The following HSD17B4 variants were observed in gnomAD, a reference collection of about 807,000 sequenced individuals.
HSD17B4 encodes the protein hydroxysteroid 17-beta dehydrogenase 4, also known as peroxisomal multifunctional enzyme type 2.
Under a neutral mutation model 101.0 loss-of-function variants are expected in HSD17B4, and 70 were observed. The observed-to-expected ratio is 0.69, with a 90% CI of 0.57 to 0.85. HSD17B4 has a LOEUF of 0.85. HSD17B4 is among the 40% of genes least tolerant of loss of function. HSD17B4 has a pLI of 0.00. For missense variants in HSD17B4, 984 were observed against 892.4 expected (o/e 1.10, Z -1.31); for synonymous variants, 347 against 297.1 (o/e 1.17, Z -1.73).
chr5:119,499,000 A>G (rs371963531), intron 12 of HSD17B4, among the ~76,000 whole-genome samples: 1 of 152,218 alleles, frequency 6.6e-6, no homozygotes, highest in Non-Finnish European at 1.5e-5. Flanking sequence ...ACTATCCTTA[A>G]TAACAAATTC....
intron 8 of HSD17B4, among the ~76,000 whole-genome samples, chr5:119,480,051 A>G (rs1748976120): frequency 6.6e-6 from 1 of 151,996 alleles, no homozygotes; most frequent in Non-Finnish European, 1.5e-5. Context: ...ATATGTAGTG[A>G]TATCTTATTG....
At position 119,477,332 on chromosome 5, in the gene HSD17B4, G is replaced by T; in HGVS notation, c.350-85G>T. On this transcript the variant is annotated intron_variant, in intron 6 of 23. Coordinates refer to ENST00000510025, the MANE Select transcript of HSD17B4 (RefSeq NM_000414.4). ...CATTAGGTATAAAATGAACATCTTTGTATAAATACAACATTGCTTATGTTG... is the reference window on the plus strand; with the variant it reads ...CATTAGGTATAAAATGAACATCTTTTTATAAATACAACATTGCTTATGTTG... The T allele has an allele frequency of 4.3e-6, 4 of 923,966 alleles. No individual in the cohort carries two copies. In the South Asian group the frequency reaches 5.8e-5, roughly 13 times the overall value. 57.2% of individuals were successfully genotyped at this position (923,966 alleles called of 1,614,324 possible). A position where few individuals can be genotyped will look rare whatever the true frequency, so the allele number is the denominator to read the frequency against.
intron 2 of HSD17B4, among the ~76,000 whole-genome samples, chr5:119,470,170 C>T (rs779741522): frequency 1.3e-5 from 2 of 151,786 alleles, no homozygotes; most frequent in Non-Finnish European, 2.9e-5. Context: ...CTGGTGGCAG[C>T]GTCCCCATTG....
At chr5:119,460,914 C>G (rs1362798080) in intron 2 of HSD17B4, among the ~76,000 whole-genome samples, 1 of 152,200 alleles carries the variant, frequency 6.6e-6, no homozygotes, top group East Asian at 1.9e-4. Flanking sequence ...GCAGAAGAAG[C>G]AGCTGAAGCC....
chr5:119,536,357 G>T (rs555720519), intron 22 of HSD17B4, 66 bp from the exon 23 acceptor site: 2 of 1,444,088 alleles, frequency 1.4e-6, no homozygotes, highest in Middle Eastern at 3.5e-4. Context: ...ATTTTACTTG[G>T]TTTATTTTAC....
At chr5:119,453,587 C>T (rs1398969927) in intron 1 of HSD17B4, among the ~76,000 whole-genome samples, 1 of 152,170 alleles carries the variant, frequency 6.6e-6, no homozygotes, top group African/African-American at 2.4e-5. Flanking sequence ...TGGAAAGGCC[C>T]TAATGCATGA....
chr5:119,505,617 C>T (rs1751573789), intron 14 of HSD17B4, among the ~76,000 whole-genome samples: 1 of 152,062 alleles, frequency 6.6e-6, no homozygotes. Flanking sequence ...TTACTTGACT[C>T]ATTATCAGTT....
chr5:119,479,113 A>G, intron 8 of HSD17B4, 92 bp downstream of exon 8: 1 of 946,534 alleles, frequency 1.1e-6, no homozygotes, highest in South Asian at 1.5e-5. Flanking sequence ...TGAATACTTA[A>G]AAATTATTAT....
chr5:119,473,273 C>CTTTTTTTTTTTTTT (rs11408993), intron 2 of HSD17B4, among the ~76,000 whole-genome samples: 1 of 36,960 alleles, frequency 2.7e-5, no homozygotes, highest in Non-Finnish European at 4.6e-5. Context: ...GTGGATGAAT[C>CTTTTTTTTTTTTTT]TTTTTTTTTT....
In HSD17B4 at chr5:119,475,832, G is replaced by T; in HGVS notation, c.311G>T (p.Arg104Met). Residue 104 changes from arginine to methionine, a missense_variant, in exon 6 of 24, where the codon AGG becomes ATG. Transcript: ENST00000510025. ...DVVVNNAGIL[R>M]DRSFARISDE... ...CAACATTGATTTTTTAGAATTCTGA[G>T]GGATCGTTCCTTTGCTAGGATAAGT... 1.2e-6 allele frequency: 2 copies of T among 1,604,118 alleles called. No homozygotes were observed. Among genetic ancestry groups the T allele is most frequent in the Non-Finnish European group, 1.7e-6 (2 of 1,171,304 alleles).
chr5:119,469,418 G>A (rs560609200), intron 2 of HSD17B4, among the ~76,000 whole-genome samples: 36 of 152,016 alleles, frequency 2.4e-4, no homozygotes, highest in African/African-American at 6.8e-4. Flanking sequence ...ACAGTGGCGC[G>A]GTCTCGGCTC....
In HSD17B4 at chr5:119,542,103, C is replaced by A; in HGVS notation, c.*109C>A. On this transcript the variant is annotated 3_prime_UTR_variant, in exon 24 of 24. Coordinates refer to ENST00000510025, the MANE Select transcript of HSD17B4 (RefSeq NM_000414.4). ...TAGAACTAAGATGCAGGGGAAATTGCTTAACATTTTCAGATATCAGATAAC... is the reference window on the plus strand; with the variant it reads ...TAGAACTAAGATGCAGGGGAAATTGATTAACATTTTCAGATATCAGATAAC... 1 of 759,186 alleles carries A rather than the reference C, an allele frequency of 1.3e-6. No individual in the cohort carries two copies. The highest frequency in any genetic ancestry group is 2.3e-6 in the Non-Finnish European group (1 of 430,024). 47.0% of individuals were successfully genotyped at this position (759,186 alleles called of 1,614,324 possible).
intron 18 of HSD17B4, 68 bp downstream of exon 18, chr5:119,525,353 GAC>G: frequency 4.2e-6 from 4 of 950,224 alleles, no homozygotes; most frequent in Non-Finnish European, 6.9e-6. Flanking sequence ...ATAATGTAAA[GAC>G]ACTACTACTT....
At chr5:119,479,673 A>G (rs1288423250) in intron 8 of HSD17B4, among the ~76,000 whole-genome samples, 1 of 152,010 alleles carries the variant, frequency 6.6e-6, no homozygotes, top group East Asian at 1.9e-4. Context: ...ATTGAAGCTC[A>G]TTTCTTTTTA....
chr5:119,523,391 T>C (rs542028031), intron 17 of HSD17B4, among the ~76,000 whole-genome samples: 96 of 152,270 alleles, frequency 6.3e-4, no homozygotes, highest in Middle Eastern at 3.4e-3. Context: ...CAAGAAACTT[T>C]TAGCTTTCCT....
intron 17 of HSD17B4, among the ~76,000 whole-genome samples, chr5:119,523,538 A>G (rs1330842715): frequency 2.6e-5 from 4 of 152,102 alleles, no homozygotes; most frequent in Non-Finnish European, 5.9e-5. Context: ...ATTTCTCATA[A>G]TGAACCTTTT....
chr5:119,474,239 TAGTG>T (rs925270319), intron 3 of HSD17B4, among the ~76,000 whole-genome samples, 158 bp from the exon 4 acceptor site: 1 of 152,202 alleles, frequency 6.6e-6, no homozygotes, highest in African/African-American at 2.4e-5. Flanking sequence ...CTATTTTTAT[TAGTG>T]AGCACATGAT....
chr5:119,531,261 G>T lies in HSD17B4; in HGVS notation c.1855-5G>T. ...TTTTAAAGTTTATTTTGTTGTCGTT[G>T]TTAGGGCGGGAAGCTTCAGAGTACC... is the stretch of plus-strand genomic sequence containing the variant. On this transcript the variant is annotated splice_region_variant and splice_polypyrimidine_tract_variant and intron_variant, in intron 21 of 23. Coordinates refer to ENST00000510025, the MANE Select transcript of HSD17B4 (RefSeq NM_000414.4). The T allele has an allele frequency of 6.2e-7, 1 of 1,613,280 alleles. No individual in the cohort carries two copies.
At chr5:119,461,185 A>G (rs1472774118) in intron 2 of HSD17B4, among the ~76,000 whole-genome samples, 1 of 152,230 alleles carries the variant, frequency 6.6e-6, no homozygotes, top group African/African-American at 2.4e-5. Context: ...TCAACATTTC[A>G]GTAAAGGAAT....
Sources: allele counts gnomAD v4.1 joint callset (sites outside exome capture counted in the v4.1 genomes callset), GRCh38; gene constraint gnomAD v4.1.1; transcripts MANE v1.5; gene names NCBI Gene and HGNC (gene_info 2026-07-23, HGNC 2026-07-21).